The following ZNF385B variants were observed in gnomAD, a reference collection of about 807,000 sequenced individuals.
ZNF385B encodes the protein zinc finger protein 533.
Under a neutral mutation model 39.2 loss-of-function variants are expected in ZNF385B, and 23 were observed. The observed-to-expected ratio is 0.59, with a 90% CI of 0.42 to 0.83. The LOEUF (loss-of-function observed/expected upper bound fraction) is 0.83. Ranked by LOEUF, ZNF385B falls within the 40% of genes least tolerant of loss-of-function variation. ZNF385B has a pLI of 0.00. For missense variants in ZNF385B, 552 were observed against 598.9 expected (o/e 0.92, Z 0.82); for synonymous variants, 205 against 222.6 (o/e 0.92, Z 0.70).
intron 6 of ZNF385B, 148 bp from the exon 7 acceptor site, chr2:179,446,918 C>T: frequency 1.0e-6 from 1 of 980,814 alleles, no homozygotes. Flanking sequence ...GTTAAATCAA[C>T]CTCTATGTTT....
intron 1 of ZNF385B, among the ~76,000 whole-genome samples, chr2:179,774,332 G>A (rs1032698868): frequency 5.9e-5 from 9 of 151,982 alleles, no homozygotes; most frequent in African/African-American, 1.4e-4. Flanking sequence ...AGCACTGGTT[G>A]TGAACACAGT....
At chr2:179,485,091 A>C (rs2054426332) in intron 5 of ZNF385B, among the ~76,000 whole-genome samples, 2 of 152,184 alleles carry the variant, frequency 1.3e-5, no homozygotes, top group African/African-American at 2.4e-5. Flanking sequence ...AATGGGGAAG[A>C]CTTCTGCAAC....
chr2:179,542,525 A>T (rs1454970825), intron 4 of ZNF385B, among the ~76,000 whole-genome samples: 2 of 152,202 alleles, frequency 1.3e-5, no homozygotes, highest in Non-Finnish European at 2.9e-5. Context: ...CATAAGATTA[A>T]TTGCTGTGTA....
At chr2:179,607,678 C>T (rs1688928164) in intron 3 of ZNF385B, among the ~76,000 whole-genome samples, 1 of 152,026 alleles carries the variant, frequency 6.6e-6, no homozygotes, top group Admixed American at 6.5e-5. Context: ...GTCAGGGAGT[C>T]AGGGAGTACT....
chr2:179,545,005 T>G lies in ZNF385B; in HGVS notation c.299-36A>C, dbSNP rs747974259. The G allele has an allele frequency of 8.1e-6, 13 of 1,613,010 alleles. No individual in the cohort carries two copies. The South Asian group carries it at 1.3e-4, about 16-fold the overall frequency. On this transcript the variant is annotated intron_variant, in intron 3 of 9. Transcript: ENST00000410066. The stretch of plus-strand genomic sequence containing the variant: ...CAAAACAAAAATGAATTCAATTTCT[T>G]GCTCACATCCATCTCCCTCCCAAAC...
Position 179,443,254 on chromosome 2 carries a change from T to G in ZNF385B, c.1457A>C (p.Tyr486Ser). 1 of 1,612,294 alleles carries G rather than the reference T, an allele frequency of 6.2e-7. No individual in the cohort carries two copies. The highest frequency in any genetic ancestry group is 2.2e-5 in the East Asian group (1 of 44,882). ...ACGTCTTGGGGTTTGCAGACGTTAG[T>G]ACGGAGCAAAGAGGATGGAGGCAGG... ...ATPASILFAP[Y>S] Residue 486 changes from tyrosine (Y) to serine (S), a missense_variant, in exon 10 of 10, where the codon TAC becomes TCC. By Grantham distance (144) the Tyr-to-Ser change is moderately radical. Transcript: ENST00000410066.
intron 3 of ZNF385B, among the ~76,000 whole-genome samples, chr2:179,658,968 G>T (rs1694133274): frequency 6.6e-6 from 1 of 152,072 alleles, no homozygotes; most frequent in South Asian, 2.1e-4. Flanking sequence ...GTAGAGATGG[G>T]GCTTCACCAT....
At chr2:179,508,611 A>G (rs1314460731) in intron 5 of ZNF385B, among the ~76,000 whole-genome samples, 2 of 152,232 alleles carry the variant, frequency 1.3e-5, no homozygotes, top group Non-Finnish European at 2.9e-5. Context: ...TTAATGTTTG[A>G]TCAGCAAACT....
chr2:179,837,412 A>G (rs1708311839), intron 1 of ZNF385B, among the ~76,000 whole-genome samples: 1 of 152,230 alleles, frequency 6.6e-6, no homozygotes, highest in African/African-American at 2.4e-5. Context: ...CACTCCTGAC[A>G]TAGAAAGTAT....
At chr2:179,543,075 C>T (rs2060021034) in intron 4 of ZNF385B, among the ~76,000 whole-genome samples, 1 of 152,116 alleles carries the variant, frequency 6.6e-6, no homozygotes, top group African/African-American at 2.4e-5. Flanking sequence ...AGTCTGAGAA[C>T]AGCCTGGCCA....
intron 3 of ZNF385B, among the ~76,000 whole-genome samples, chr2:179,571,955 C>A (rs1364386445): frequency 2.0e-5 from 3 of 152,126 alleles, no homozygotes; most frequent in Non-Finnish European, 4.4e-5. Flanking sequence ...CCTCGGACTA[C>A]TTCCAAGTCC....
intron 3 of ZNF385B, among the ~76,000 whole-genome samples, chr2:179,720,286 A>G (rs1188428411): frequency 6.6e-6 from 1 of 152,058 alleles, no homozygotes; most frequent in Non-Finnish European, 1.5e-5. Context: ...AAAAGAATAC[A>G]TTTAGAATAA....
chr2:179,827,306 G>A (rs1707732816), intron 1 of ZNF385B, among the ~76,000 whole-genome samples: 1 of 152,108 alleles, frequency 6.6e-6, no homozygotes, highest in African/African-American at 2.4e-5. Context: ...GACTTGGGGA[G>A]AATCCAGATC....
chr2:179,832,237 C>CTAGGCA (rs1280160279), intron 1 of ZNF385B, among the ~76,000 whole-genome samples: 1 of 152,188 alleles, frequency 6.6e-6, no homozygotes, highest in African/African-American at 2.4e-5. Context: ...CCCCAGGACA[C>CTAGGCA]TAGGCATCCA....
At chr2:179,745,861 G>A in intron 3 of ZNF385B, 4 of 1,331,630 alleles carry the variant, frequency 3.0e-6, no homozygotes, top group Non-Finnish European at 3.9e-6. Flanking sequence ...CTGTGTGACA[G>A]CACCACGTTA....
chr2:179,658,378 C>T (rs1476312485), intron 3 of ZNF385B, among the ~76,000 whole-genome samples: 1 of 152,136 alleles, frequency 6.6e-6, no homozygotes, highest in African/African-American at 2.4e-5. Flanking sequence ...ATGCATTTTA[C>T]ACAGGTATAC....
chr2:179,632,965 A>C (rs1465581355), intron 3 of ZNF385B, among the ~76,000 whole-genome samples: 2 of 152,242 alleles, frequency 1.3e-5, no homozygotes, highest in East Asian at 3.8e-4. Flanking sequence ...GAAATGGATA[A>C]ATTCCTGGAC....
At chr2:179,458,637 TA>T (rs899872267) in intron 6 of ZNF385B, among the ~76,000 whole-genome samples, 1 of 152,094 alleles carries the variant, frequency 6.6e-6, no homozygotes, top group African/African-American at 2.4e-5. Flanking sequence ...ATATATCTAT[TA>T]AAAAAACCTC....
rs1054318923 is a variant in ZNF385B, at chr2:179,556,374, T to C, written c.299-11405A>G. 4.0e-5 allele frequency among the ~76,000 whole-genome samples: 6 copies of C among 149,718 alleles called. 1 individual carries two copies. In the South Asian group the frequency reaches 1.3e-3, roughly 32 times the overall value. On this transcript the variant is annotated intron_variant, in intron 3 of 9. Transcript: ENST00000410066. Reference sequence around the variant, plus strand: ...CTGAATTTAAAATATTTTTCCTTTATCGTAGTTTCTCAGCTTATAACCCAA... The same window carrying C: ...CTGAATTTAAAATATTTTTCCTTTACCGTAGTTTCTCAGCTTATAACCCAA...
Sources: allele counts gnomAD v4.1 joint callset (sites outside exome capture counted in the v4.1 genomes callset), GRCh38; gene constraint gnomAD v4.1.1; transcripts MANE v1.5; gene names NCBI Gene and HGNC (gene_info 2026-07-23, HGNC 2026-07-21).